EDA2R: variants seen among roughly 807,000 people sequenced by gnomAD.
EDA2R encodes the protein ectodysplasin A2 receptor, also known as tumor necrosis factor receptor superfamily member 27.
A neutral mutation model predicts 20.1 loss-of-function variants in EDA2R; 26 were observed. The observed-to-expected ratio is 1.30, with a 90% CI of 0.95 to 1.80. EDA2R has a LOEUF of 1.80. Among genes scored for constraint, EDA2R ranks in the 40% most tolerant of loss-of-function variants. The pLI, the probability that EDA2R is intolerant of heterozygous loss-of-function variation, is 0.00. For missense variants in EDA2R, 277 were observed against 228.7 expected, an observed-to-expected ratio of 1.21 and a Z score of -1.36; for synonymous variants, 114 against 88.7, an observed-to-expected ratio of 1.29 and a Z score of -1.60.
chrX:66,611,830 G>A (rs1219424958), intron 2 of EDA2R, among the ~76,000 whole-genome samples: 1 of 110,884 alleles, frequency 9.0e-6, no homozygotes, highest in Admixed American at 9.6e-5. Context: ...AGTTAAAGAG[G>A]ATGAACAGAT....
intron 5 of EDA2R, among the ~76,000 whole-genome samples, chrX:66,602,098 T>C (rs1470164877): frequency 9.0e-6 from 1 of 111,625 alleles, no homozygotes; most frequent in Non-Finnish European, 1.9e-5. Flanking sequence ...CTGATAGCAG[T>C]GGCCTTAGAC....
chrX:66,613,920 C>G (rs766646937), intron 2 of EDA2R, among the ~76,000 whole-genome samples: 20 of 111,256 alleles, frequency 1.8e-4, no homozygotes, highest in African/African-American at 6.2e-4. Context: ...CAAACAATTG[C>G]CCCTCTTCTT....
chrX:66,620,883 A>G (rs1258243122), intron 1 of EDA2R, among the ~76,000 whole-genome samples: 1 of 106,888 alleles, frequency 9.4e-6, no homozygotes, highest in East Asian at 2.9e-4. Context: ...GCCCATAAAC[A>G]CATGAAAAGA....
chrX:66,636,956 A>C (rs1934384188), intron 1 of EDA2R, among the ~76,000 whole-genome samples: 1 of 109,375 alleles, frequency 9.1e-6, no homozygotes, highest in African/African-American at 3.3e-5. Flanking sequence ...ACACACACAC[A>C]CACACACACA....
chrX:66,611,615 A>G (rs936095136), intron 2 of EDA2R, among the ~76,000 whole-genome samples: 9 of 111,303 alleles, frequency 8.1e-5, no homozygotes, highest in African/African-American at 2.9e-4. Context: ...TTGAGGACAG[A>G]ACAACAGAAT....
In EDA2R at chrX:66,604,455, C is replaced by T. The variant is rs768322129; in HGVS notation, c.318G>A (p.Pro106=). The stretch of plus-strand genomic sequence containing the variant: ...CAGAGGTGGGGGTCTGCTTCGTGCA[C>T]GGGATGCACTCTTGGTCCTGCAGGC... The part of the protein sequence containing the change: ...IGGLQDQECI[P]CTKQTPTSEV... The change falls in exon 4 of 7, where the codon CCG becomes CCA. Residue 106 remains proline (P), a synonymous_variant. Transcript: ENST00000374719. 7.5e-5 allele frequency: 91 copies of T among 1,207,354 alleles called. No individual in the cohort carries two copies. The Middle Eastern group carries it at 9.2e-4, about 12-fold the overall frequency.
At chrX:66,623,877 T>C (rs1932841923) in intron 1 of EDA2R, among the ~76,000 whole-genome samples, 1 of 112,554 alleles carries the variant, frequency 8.9e-6, no homozygotes, top group Admixed American at 9.4e-5. Flanking sequence ...CCAGAATTCC[T>C]ATCCCCGTTT....
At chrX:66,608,477 C>A (rs1289084753) in intron 2 of EDA2R, among the ~76,000 whole-genome samples, 2 of 111,788 alleles carry the variant, frequency 1.8e-5, no homozygotes, top group Non-Finnish European at 3.8e-5. Flanking sequence ...TAAAGGTATT[C>A]TCGATAAGAT....
At chrX:66,629,360 G>A (rs759263142) in intron 1 of EDA2R, among the ~76,000 whole-genome samples, 3 of 111,596 alleles carry the variant, frequency 2.7e-5, no homozygotes, top group Non-Finnish European at 5.6e-5. Context: ...GCAAGAGAAA[G>A]AAATAAAGGG....
intron 1 of EDA2R, among the ~76,000 whole-genome samples, chrX:66,618,421 T>A (rs1001906413): frequency 8.9e-6 from 1 of 112,063 alleles, no homozygotes; most frequent in Non-Finnish European, 1.9e-5. Context: ...CTGTAGCATA[T>A]GTAACCGCCT....
Position 66,635,716 on chromosome X carries a change from T to C in EDA2R, c.-11+3279A>G, listed in dbSNP as rs767162455. Among the ~76,000 whole-genome samples, 27 of 111,926 alleles carry C rather than the reference T, an allele frequency of 2.4e-4. No homozygotes were observed. The South Asian group carries it at 0.01, about 42-fold the overall frequency. On this transcript the variant is annotated intron_variant, in intron 1 of 6. Coordinates refer to ENST00000374719, the MANE Select transcript of EDA2R (RefSeq NM_021783.5). ...CTGAACTTGGAGTAAGAAAAATGTG[T>C]CTTGCAGTTCTGGCACAGATGCTTA...
intron 1 of EDA2R, among the ~76,000 whole-genome samples, chrX:66,625,974 A>G (rs1366341645): frequency 1.8e-5 from 2 of 111,821 alleles, no homozygotes. Context: ...GGAGAGTACT[A>G]CATCAAGGGA....
At position 66,602,766 on chromosome X, in the gene EDA2R, A is replaced by T; in HGVS notation, c.384T>A (p.Asp128Glu). 1 of 1,194,069 alleles carries T rather than the reference A, an allele frequency of 8.4e-7. No homozygotes were observed. Among genetic ancestry groups the T allele is most frequent in the Non-Finnish European group, 1.1e-6 (1 of 886,684 alleles). Residue 128 changes from aspartate (D) to glutamate (E), a missense_variant, in exon 5 of 7, where the codon GAT (aspartate) becomes GAA (glutamate). Coordinates refer to ENST00000374719, the MANE Select transcript of EDA2R (RefSeq NM_021783.5). Reference protein sequence around the residue: ...CAFQLSLVEADTPTVPPQEAT... With the variant: ...CAFQLSLVEAETPTVPPQEAT... ...CCTCCTGAGGGGGCACTGTGGGTGT[A>T]TCTGCCTCCACTAAGCTCAACTGGA...
At chrX:66,607,264 T>G (rs939252573) in intron 2 of EDA2R, among the ~76,000 whole-genome samples, 2 of 112,362 alleles carry the variant, frequency 1.8e-5, no homozygotes, top group Non-Finnish European at 3.8e-5. Flanking sequence ...TTCTTTTGGT[T>G]GTTGTTGTCA....
At chrX:66,601,026 C>T (rs757772887) in intron 5 of EDA2R, among the ~76,000 whole-genome samples, 1 of 111,959 alleles carries the variant, frequency 8.9e-6, no homozygotes, top group South Asian at 3.8e-4. Flanking sequence ...TTCGCACATA[C>T]ATCTCACCCC....
intron 1 of EDA2R, among the ~76,000 whole-genome samples, chrX:66,618,743 A>G (rs1932121376): frequency 8.9e-6 from 1 of 112,310 alleles, no homozygotes; most frequent in African/African-American, 3.2e-5. Context: ...CTAGCAACAT[A>G]GATCATTTCT....
chrX:66,598,584 A>G (rs185461638), intron 6 of EDA2R, among the ~76,000 whole-genome samples: 299 of 112,300 alleles, frequency 2.7e-3, no homozygotes, highest in Non-Finnish European at 4.6e-3. Context: ...GGGATATTAT[A>G]AAATGGACCC....
chrX:66,613,522 G>A (rs1931147483), intron 2 of EDA2R, among the ~76,000 whole-genome samples: 1 of 111,457 alleles, frequency 9.0e-6, no homozygotes, highest in Non-Finnish European at 1.9e-5. Flanking sequence ...ACTGTTAAAA[G>A]GAAGGCATAA....
chrX:66,602,764 G>GC lies in EDA2R; in HGVS notation c.385_386insG (p.Thr129SerfsTer51). The GC allele has an allele frequency of 8.4e-7, 1 of 1,194,740 alleles. No homozygotes were observed. Among genetic ancestry groups the GC allele is most frequent in the South Asian group, 1.9e-5 (1 of 53,976 alleles). The stretch of plus-strand genomic sequence containing the variant: ...GGCCTCCTGAGGGGGCACTGTGGGT[G>GC]TATCTGCCTCCACTAAGCTCAACTG... On this transcript the variant is annotated frameshift_variant, in exon 5 of 7. Transcript: ENST00000374719. LOFTEE classifies it high-confidence loss of function.
Sources: allele counts gnomAD v4.1 joint callset (sites outside exome capture counted in the v4.1 genomes callset), GRCh38; gene constraint gnomAD v4.1.1; transcripts MANE v1.5; gene names NCBI Gene and HGNC (gene_info 2026-07-23, HGNC 2026-07-21).